The following MKS1 variants were observed in gnomAD, a reference collection of about 807,000 sequenced individuals.
The protein encoded by MKS1 is MKS transition zone complex subunit 1, also known as tectonic-like complex member MKS1.
Under a neutral mutation model 83.7 loss-of-function variants are expected in MKS1, and 70 were observed. The observed-to-expected ratio is 0.84, with a 90% CI of 0.69 to 1.02. MKS1 has a LOEUF of 1.02. Ranked by LOEUF, MKS1 falls within the 50% of genes least tolerant of loss-of-function variation. The pLI, the probability that MKS1 is intolerant of heterozygous loss-of-function variation, is 0.00. For missense variants in MKS1, 681 were observed against 726.9 expected (o/e 0.94, Z 0.73); for synonymous variants, 251 against 273.4 (o/e 0.92, Z 0.81).
intron 13 of MKS1, 22 bp downstream of exon 13, chr17:58,208,083 G>A: frequency 6.2e-7 from 1 of 1,610,506 alleles, no homozygotes; most frequent in East Asian, 2.2e-5. Flanking sequence ...CAAGGCCCAG[G>A]ATCAACTGCT....
intron 3 of MKS1, among the ~76,000 whole-genome samples, chr17:58,216,453 C>A (rs1969223606): frequency 6.6e-6 from 1 of 152,244 alleles, no homozygotes; most frequent in Non-Finnish European, 1.5e-5. Context: ...TCTGCTATTA[C>A]AGATGGCATA....
chr17:58,212,324 A>G, intron 9 of MKS1, 54 bp downstream of exon 9: 1 of 1,601,696 alleles, frequency 6.2e-7, no homozygotes, highest in Non-Finnish European at 8.6e-7. Context: ...ATCCACAGTC[A>G]GAATGCTCCG....
intron 11 of MKS1, among the ~76,000 whole-genome samples, chr17:58,208,838 G>A (rs1431423310): frequency 6.6e-6 from 1 of 151,980 alleles, no homozygotes; most frequent in Non-Finnish European, 1.5e-5. Context: ...GTGTCCCTGG[G>A]TACTTGAGAT....
At position 58,213,034 on chromosome 17, in the gene MKS1, G is replaced by T; in HGVS notation, c.806C>A (p.Ser269Tyr). The change falls in exon 8 of 18, where the codon TCC becomes TAC. Residue 269 changes from serine to tyrosine, a missense_variant. Around this residue, in one of 3 missense-constraint regions of MKS1, gnomAD observed 365 missense variants for 383.8 expected, o/e 0.95. Coordinates refer to ENST00000393119, the MANE Select transcript of MKS1 (RefSeq NM_017777.4). ...CTCCTCCTCCGGCTGTGCGTGGGGG[G>T]AAACATTGTCGATCGTATATTTCCA... ...ELWKYTIDNV[S>Y]PHAQPEEEER... 1 of 1,614,108 alleles carries T rather than the reference G, an allele frequency of 6.2e-7. No individual in the cohort carries two copies. Among genetic ancestry groups the T allele is most frequent in the Non-Finnish European group, 8.5e-7 (1 of 1,180,020 alleles).
intron 6 of MKS1, 116 bp from the exon 7 acceptor site, chr17:58,213,985 A>C (rs1969038994): frequency 9.6e-7 from 1 of 1,044,836 alleles, no homozygotes; most frequent in African/African-American, 1.6e-5. Context: ...TGTCATGGTA[A>C]AACTTTCTTC....
intron 15 of MKS1, 188 bp from the exon 16 acceptor site, chr17:58,206,735 C>A: frequency 1.4e-6 from 1 of 703,544 alleles, no homozygotes; most frequent in Non-Finnish European, 2.5e-6. Flanking sequence ...CCAACTAAAC[C>A]AGGGAACATT....
At chr17:58,210,270 G>A (rs1968795323) in intron 11 of MKS1, among the ~76,000 whole-genome samples, 1 of 152,208 alleles carries the variant, frequency 6.6e-6, no homozygotes, top group African/African-American at 2.4e-5. Flanking sequence ...TAAGCCATAG[G>A]ATGGATGACG....
chr17:58,208,078 C>T (rs775089489), intron 13 of MKS1, 27 bp downstream of exon 13: 1 of 1,609,898 alleles, frequency 6.2e-7, no homozygotes, highest in Non-Finnish European at 8.5e-7. Flanking sequence ...GGAACCAAGG[C>T]CCAGGATCAA....
intron 5 of MKS1, 128 bp downstream of exon 5, chr17:58,214,613 T>C: frequency 9.2e-7 from 1 of 1,081,674 alleles, no homozygotes; most frequent in Non-Finnish European, 1.2e-6. Flanking sequence ...TATTTTTATA[T>C]TTATTTTTTA....
At chr17:58,215,046 T>A in intron 4 of MKS1, 2 of 679,690 alleles carry the variant, frequency 2.9e-6, no homozygotes, top group Non-Finnish European at 4.7e-6. Context: ...CTTTGGATTT[T>A]AAAAAGGAGT....
chr17:58,208,027 G>T, intron 13 of MKS1, 26 bp from the exon 14 acceptor site: 13 of 1,611,550 alleles, frequency 8.1e-6, no homozygotes, highest in Non-Finnish European at 1.1e-5. Context: ...GAAGCGGCCA[G>T]GTCACAGGCG....
rs1597973394 is a variant in MKS1 at position 58,205,842 on chromosome 17, T to C, written c.*237A>G. On this transcript the variant is annotated 3_prime_UTR_variant, in exon 18 of 18. Transcript: ENST00000393119. The stretch of plus-strand genomic sequence containing the variant: ...AAAGCCTGCCTTGCTGTGATGCCCA[T>C]TGACAGTGGCTGCAAATATAAAGGG... 3 of 1,439,846 alleles carry C rather than the reference T, an allele frequency of 2.1e-6. No homozygotes were observed. The highest frequency in any genetic ancestry group is 1.4e-5 in the South Asian group (1 of 69,696). 89.2% of individuals were successfully genotyped at this position (1,439,846 alleles called of 1,614,324 possible).
At chr17:58,210,795 G>C in intron 10 of MKS1, 71 bp from the exon 11 acceptor site, 1 of 1,509,418 alleles carries the variant, frequency 6.6e-7, no homozygotes, top group Non-Finnish European at 9.2e-7. Flanking sequence ...CAATCCTGAG[G>C]GGCCTACACA....
rs377033778 is a variant in MKS1 at position 58,207,222 on chromosome 17, C to T, written c.1274-4G>A. The T allele has an allele frequency of 4.2e-5, 67 of 1,613,808 alleles. No homozygotes were observed. Among genetic ancestry groups the T allele is most frequent in the Non-Finnish European group, 5.3e-5 (63 of 1,180,018 alleles). ...GAGACTGTCAGGGTGTGTGAGCCTG[C>T]GCAAGGGAAGAGAAGACTGGGGCCA... On this transcript the variant is annotated splice_region_variant and splice_polypyrimidine_tract_variant and intron_variant, in intron 14 of 17. Coordinates refer to ENST00000393119, the MANE Select transcript of MKS1 (RefSeq NM_017777.4).
chr17:58,207,370 G>T, intron 14 of MKS1, 152 bp from the exon 15 acceptor site: 1 of 1,050,084 alleles, frequency 9.5e-7, no homozygotes, highest in Non-Finnish European at 1.4e-6. Flanking sequence ...GTTACCCATA[G>T]CACCTGTATG....
chr17:58,206,654 C>G (rs1178595844), intron 15 of MKS1, 107 bp from the exon 16 acceptor site: 3 of 1,139,740 alleles, frequency 2.6e-6, no homozygotes, highest in African/African-American at 3.1e-5. Context: ...AAGCGCAGTT[C>G]TGTTGGGGAA....
At chr17:58,217,242 G>A (rs138217687) in intron 2 of MKS1, among the ~76,000 whole-genome samples, 24 of 152,322 alleles carry the variant, frequency 1.6e-4, no homozygotes, top group Middle Eastern at 3.4e-3. Flanking sequence ...ACCTGCCTTG[G>A]TCTCCCAAAG....
chr17:58,208,008 G>T lies in MKS1; in HGVS notation c.1166-7C>A. 1 of 1,613,610 alleles carries T rather than the reference G, an allele frequency of 6.2e-7. No individual in the cohort carries two copies. Among genetic ancestry groups the T allele is most frequent in the South Asian group, 1.1e-5 (1 of 91,066 alleles). On this transcript the variant is annotated splice_polypyrimidine_tract_variant and splice_region_variant and intron_variant, in intron 13 of 17. Transcript: ENST00000393119. The stretch of plus-strand genomic sequence containing the variant: ...GGCCACTCCGGGAGTGCATCTGGGA[G>T]CAAGGAGAGAAGCGGCCAGGTCACA...
intron 14 of MKS1, 148 bp downstream of exon 14, chr17:58,207,746 G>A (rs761071905): frequency 2.6e-5 from 21 of 794,838 alleles, no homozygotes; most frequent in Non-Finnish European, 4.0e-5. Context: ...GAGGGGGGCA[G>A]AAAGTCCTCA....
Sources: gnomAD v4.1 joint callset for allele counts (sites outside exome capture counted in the v4.1 genomes callset) on GRCh38, gnomAD v4.1.1 for gene constraint, gnomAD v4.1.1 regional missense constraint, MANE v1.5 for transcripts, NCBI Gene and HGNC (gene_info 2026-07-23, HGNC 2026-07-21) for gene names.